Variants in TLK2 observed in about 807,000 individuals in gnomAD.
TLK2 encodes the protein serine/threonine-protein kinase tousled-like 2.
Under a neutral mutation model 117.3 loss-of-function variants are expected in TLK2, and 6 were observed. The observed-to-expected ratio is 0.05, with a 90% CI of 0.03 to 0.10. TLK2 has a LOEUF of 0.10. Ranked by LOEUF, TLK2 falls within the 10% of genes least tolerant of loss-of-function variation. TLK2 has a pLI of 1.00. For synonymous variants in TLK2, 257 were observed against 316.7 expected (o/e 0.81, Z 2.00); for missense variants, 299 against 901.2 (o/e 0.33, Z 8.56).
intron 14 of TLK2, among the ~76,000 whole-genome samples, chr17:62,579,390 G>C (rs2081049758): frequency 6.6e-6 from 1 of 152,142 alleles, no homozygotes; most frequent in African/African-American, 2.4e-5. Context: ...TGTGACCAAA[G>C]AGTTCAACTT....
At position 62,523,205 on chromosome 17, in the gene TLK2, CAAACA is replaced by C. The variant is rs1555616539; in HGVS notation, c.267+42_267+46del. ...AAGTTACATTTTTTGAAAAAACAAA[CAAACA>C]AAACAAAACAAAAAAACTCTATAGT... On this transcript the variant is annotated intron_variant, in intron 5 of 21. Coordinates refer to ENST00000346027, the MANE Select transcript of TLK2 (RefSeq NM_006852.6). 1,788 of 1,593,580 alleles carry C rather than the reference CAAACA, an allele frequency of 1.1e-3. 13 individuals are homozygous for C. The African/African-American group carries it at 0.02, about 18-fold the overall frequency.
At chr17:62,486,919 G>A (rs1197486013) in intron 2 of TLK2, among the ~76,000 whole-genome samples, 1 of 152,154 alleles carries the variant, frequency 6.6e-6, no homozygotes, top group Non-Finnish European at 1.5e-5. Flanking sequence ...TTGAATTATA[G>A]CCATGTCAAT....
At chr17:62,554,726 A>G (rs1327186763) in intron 9 of TLK2, among the ~76,000 whole-genome samples, 1 of 152,090 alleles carries the variant, frequency 6.6e-6, no homozygotes, top group Non-Finnish European at 1.5e-5. Context: ...ATAAAAGAAT[A>G]CAAAATTTGC....
chr17:62,602,132 A>G lies in TLK2; in HGVS notation c.1811A>G (p.Asn604Ser). The G allele has an allele frequency of 1.9e-6, 3 of 1,613,846 alleles. No individual in the cohort carries two copies. The highest frequency in any genetic ancestry group is 2.5e-6 in the Non-Finnish European group (3 of 1,179,802). ...LSKIMDDDSYNSVDGMELTSQ... is the reference protein window; with the variant it reads ...LSKIMDDDSYSSVDGMELTSQ... ...AAGATCATGGATGATGATAGCTACA[A>G]TTCAGTGGATGGCATGGAGCTAACA... The change falls in exon 19 of 22, where the codon AAT becomes AGT. Residue 604 changes from asparagine (N) to serine (S), a missense_variant. Asn to Ser is a conservative substitution (Grantham distance 46). Around this residue, in one of 4 missense-constraint regions of TLK2, gnomAD observed 81 missense variants for 370.9 expected, o/e 0.22. Coordinates refer to ENST00000346027, the MANE Select transcript of TLK2 (RefSeq NM_006852.6).
In TLK2 at chr17:62,608,082, G is replaced by C; in HGVS notation, c.2013G>C (p.Glu671Asp). ...HNQSQQDILQ[E>D]NTILKATEVQ... is the part of the protein sequence containing the mutation. ...AGTCTCAGCAAGACATCCTACAAGA[G>C]AATACGATTCTTAAAGCTACTGAAG... The change falls in exon 21 of 22, where the codon GAG becomes GAC. Residue 671 changes from glutamate (E) to aspartate (D), a missense_variant. Physicochemically the swap from Glu to Asp is conservative, Grantham distance 45. Transcript: ENST00000346027. 6.2e-7 allele frequency: 1 copy of C among 1,613,970 alleles called. No homozygotes were observed. Among genetic ancestry groups the C allele is most frequent in the Non-Finnish European group, 8.5e-7 (1 of 1,180,012 alleles).
At chr17:62,496,290 T>C (rs2073675296) in intron 2 of TLK2, among the ~76,000 whole-genome samples, 1 of 152,176 alleles carries the variant, frequency 6.6e-6, no homozygotes, top group Non-Finnish European at 1.5e-5. Flanking sequence ...TGTATTTCAT[T>C]GTATGGCTGA....
chr17:62,516,202 G>A (rs2075569308), intron 2 of TLK2: 2 of 632,956 alleles, frequency 3.2e-6, no homozygotes, highest in Non-Finnish European at 2.8e-6. Flanking sequence ...TGGGATTACA[G>A]GCATGAGTCA....
At chr17:62,474,092 T>A (rs2144195557), upstream of TLK2, among the ~76,000 whole-genome samples, 1 of 152,190 alleles carries the variant, frequency 6.6e-6, no homozygotes, top group South Asian at 2.1e-4. Flanking sequence ...TAATTATTAT[T>A]TTTTGAGACC....
intron 2 of TLK2, among the ~76,000 whole-genome samples, chr17:62,493,590 A>G (rs1411888793): frequency 6.6e-6 from 1 of 152,208 alleles, no homozygotes; most frequent in Non-Finnish European, 1.5e-5. Flanking sequence ...CAGCTAGAAA[A>G]TAGTGGTTCT....
At chr17:62,590,482 A>G (rs2081997993) in intron 16 of TLK2, among the ~76,000 whole-genome samples, 1 of 152,200 alleles carries the variant, frequency 6.6e-6, no homozygotes, top group Admixed American at 6.5e-5. Flanking sequence ...ATCAAATGCA[A>G]TATTACAAGG....
chr17:62,486,133 G>C (rs2072345208), intron 2 of TLK2, among the ~76,000 whole-genome samples: 1 of 151,382 alleles, frequency 6.6e-6, no homozygotes, highest in East Asian at 2.0e-4. Context: ...AGTTCTTTAT[G>C]TCTTGTTGAC....
chr17:62,592,348 T>C (rs1022608456), intron 16 of TLK2, among the ~76,000 whole-genome samples: 1 of 152,244 alleles, frequency 6.6e-6, no homozygotes, highest in African/African-American at 2.4e-5. Context: ...TGTCAGACTA[T>C]ACAGTACACT....
chr17:62,533,550 C>T (rs2076905599), intron 6 of TLK2, among the ~76,000 whole-genome samples: 2 of 150,270 alleles, frequency 1.3e-5, no homozygotes, highest in African/African-American at 4.9e-5. Flanking sequence ...GATCTTGGTT[C>T]ACTGCAGCCT....
chr17:62,587,676 G>C (rs1210948409), intron 16 of TLK2, among the ~76,000 whole-genome samples: 1 of 152,166 alleles, frequency 6.6e-6, no homozygotes. Context: ...GGCACCCTGC[G>C]TGTGTTTCTT....
At chr17:62,507,826 T>C (rs2074827079) in intron 2 of TLK2, among the ~76,000 whole-genome samples, 1 of 152,048 alleles carries the variant, frequency 6.6e-6, no homozygotes, top group East Asian at 1.9e-4. Flanking sequence ...ATCCACAGAA[T>C]TTTCTCTAGG....
chr17:62,558,143 T>C (rs2078996827), intron 9 of TLK2, among the ~76,000 whole-genome samples: 1 of 151,856 alleles, frequency 6.6e-6, no homozygotes, highest in South Asian at 2.1e-4. Context: ...TGGGAGCTAC[T>C]AGCCAGCTGC....
intron 12 of TLK2, among the ~76,000 whole-genome samples, chr17:62,574,125 ATTAG>A (rs1258064163): frequency 2.0e-5 from 3 of 152,336 alleles, no homozygotes; most frequent in Admixed American, 1.3e-4. Context: ...ATGTTTTCAT[ATTAG>A]TTCACAAAAA....
At chr17:62,483,054 C>G (rs1318373270) in intron 2 of TLK2, among the ~76,000 whole-genome samples, 3 of 152,128 alleles carry the variant, frequency 2.0e-5, no homozygotes, top group Non-Finnish European at 4.4e-5. Flanking sequence ...ACTCTCTGAT[C>G]TAGGTGAAGT....
chr17:62,517,182 G>C (rs893746533), intron 2 of TLK2, among the ~76,000 whole-genome samples: 11 of 152,166 alleles, frequency 7.2e-5, no homozygotes, highest in Non-Finnish European at 1.3e-4. Context: ...TGGGATTACA[G>C]GCGTGAGCCA....
Sources: allele counts gnomAD v4.1 joint callset (sites outside exome capture counted in the v4.1 genomes callset), GRCh38; gene constraint gnomAD v4.1.1; regional missense constraint gnomAD v4.1.1; transcripts MANE v1.5; gene names NCBI Gene and HGNC (gene_info 2026-07-23, HGNC 2026-07-21).